The following PIP5K1C variants were observed in gnomAD, a reference collection of about 807,000 sequenced individuals.
PIP5K1C encodes the protein phosphatidylinositol 4-phosphate 5-kinase type-1 gamma.
Under a neutral mutation model 80.1 loss-of-function variants are expected in PIP5K1C, and 45 were observed. The observed-to-expected ratio is 0.56, with a 90% CI of 0.44 to 0.72. The LOEUF (loss-of-function observed/expected upper bound fraction) is 0.72, where lower values mean the gene tolerates loss of function less well. PIP5K1C is among the 30% of genes least tolerant of loss of function. PIP5K1C has a pLI of 0.00. For synonymous variants in PIP5K1C, 498 were observed against 420.1 expected, an observed-to-expected ratio of 1.19 and a Z score of -2.27; for missense variants, 753 against 954.6, an observed-to-expected ratio of 0.79 and a Z score of 2.78.
At chr19:3,677,917 A>G (rs2035423503) in intron 1 of PIP5K1C, among the ~76,000 whole-genome samples, 2 of 70,332 alleles carry the variant, frequency 2.8e-5, no homozygotes, top group Admixed American at 1.4e-4. Context: ...TGGAGGGATA[A>G]AGGGAGGGAT....
At chr19:3,668,981 G>A (rs1001520591) in intron 1 of PIP5K1C, among the ~76,000 whole-genome samples, 1 of 152,162 alleles carries the variant, frequency 6.6e-6, no homozygotes, top group South Asian at 2.1e-4. Context: ...GTTGGATTCC[G>A]ATGCTGGCAC....
At position 3,662,039 on chromosome 19, in the gene PIP5K1C, C is replaced by T. The variant is rs898504764; in HGVS notation, c.220-38G>A. On this transcript the variant is annotated intron_variant, in intron 3 of 17. Transcript: ENST00000335312. Reference sequence around the variant, plus strand: ...CAGAGTGTCAGGGCCCCCGGCTGCTCCCCACGCTGCCCTGCACCCCCTGTG... The same window carrying T: ...CAGAGTGTCAGGGCCCCCGGCTGCTTCCCACGCTGCCCTGCACCCCCTGTG... The T allele has an allele frequency of 2.6e-6, 4 of 1,549,048 alleles. No individual in the cohort carries two copies. In the African/African-American group the frequency reaches 5.4e-5, roughly 21 times the overall value.
At position 3,631,983 on chromosome 19, in the gene PIP5K1C, T is replaced by G. The variant is rs919194085; in HGVS notation, c.*1184A>C. Reference sequence around the variant, plus strand: ...CCTGGGGAAGGGCAGGGTGGGTGACTCTGCCGAGCTCTGGCCTCCAACCAG... The same window carrying G: ...CCTGGGGAAGGGCAGGGTGGGTGACGCTGCCGAGCTCTGGCCTCCAACCAG... On this transcript the variant is annotated 3_prime_UTR_variant, in exon 18 of 18. Transcript: ENST00000335312. 3 of 152,208 alleles carry G rather than the reference T, an allele frequency of 2.0e-5. No homozygotes were observed. The highest frequency in any genetic ancestry group is 2.9e-5 in the Non-Finnish European group (2 of 68,062). 9.4% of individuals were successfully genotyped at this position (152,208 alleles called of 1,614,324 possible).
Position 3,667,267 on chromosome 19 carries a change from G to C in PIP5K1C, c.126+55C>G. 4.7e-6 allele frequency: 7 copies of C among 1,504,010 alleles called. No individual in the cohort carries two copies. In the South Asian group the frequency reaches 8.0e-5, roughly 17 times the overall value. 93.2% of individuals were successfully genotyped at this position (1,504,010 alleles called of 1,614,324 possible). A position where few individuals can be genotyped will look rare whatever the true frequency, so the allele number is the denominator to read the frequency against. On this transcript the variant is annotated intron_variant, in intron 2 of 17. Transcript: ENST00000335312. ...GCCACACAGCTTCTCCGCGAGTAGG[G>C]AGGCAGCAGGTCAGGGTGGGGACCC...
intron 1 of PIP5K1C, among the ~76,000 whole-genome samples, chr19:3,682,840 C>A (rs373116026): frequency 6.9e-4 from 105 of 152,318 alleles, no homozygotes; most frequent in African/African-American, 2.5e-3. Flanking sequence ...CCAGCTACGC[C>A]GCTCCCAGAC....
rs1599924738 is a variant in PIP5K1C at position 3,638,732 on chromosome 19, G to C, written c.1920+152C>G. On this transcript the variant is annotated intron_variant, in intron 16 of 17. Transcript: ENST00000335312. ...GGGTGCGTGTGGGCGTGTCGTGAGA[G>C]TGCTGGCTGGTGAGAGAGCATGTGG... The C allele has an allele frequency of 2.3e-5, 23 of 998,392 alleles. No individual in the cohort carries two copies. The East Asian group carries it at 4.3e-4, about 19-fold the overall frequency. 61.8% of individuals were successfully genotyped at this position (998,392 alleles called of 1,614,324 possible). A position where few individuals can be genotyped will look rare whatever the true frequency, so the allele number is the denominator to read the frequency against.
intron 2 of PIP5K1C, among the ~76,000 whole-genome samples, chr19:3,665,382 T>G (rs1253993058): frequency 3.3e-5 from 5 of 152,044 alleles, no homozygotes; most frequent in African/African-American, 1.2e-4. Context: ...ACTCTGCAAA[T>G]GTACTAAAAG....
chr19:3,669,245 C>A (rs894370553), intron 1 of PIP5K1C, among the ~76,000 whole-genome samples: 1 of 152,150 alleles, frequency 6.6e-6, no homozygotes, highest in Non-Finnish European at 1.5e-5. Flanking sequence ...CAGGAGGGTG[C>A]GGCAGGTGCC....
At chr19:3,654,017 CTT>C (rs1255370919) in intron 6 of PIP5K1C, among the ~76,000 whole-genome samples, 1 of 152,206 alleles carries the variant, frequency 6.6e-6, no homozygotes, top group South Asian at 2.1e-4. Context: ...CATGTATTTT[CTT>C]GAGACAGGGT....
chr19:3,675,157 T>C (rs929368417), intron 1 of PIP5K1C, among the ~76,000 whole-genome samples: 4 of 152,276 alleles, frequency 2.6e-5, no homozygotes, highest in African/African-American at 7.2e-5. Flanking sequence ...TGTACTAGAA[T>C]TAGTGGCAGT....
chr19:3,700,306 C>G lies in PIP5K1C; in HGVS notation c.85G>C (p.Ala29Pro). ...SEAAWAAESG[A>P]AAGLAQKKAA... is the part of the protein sequence containing the mutation. ...GAGGCCGGGCCGTTACCTGCCGCCG[C>G]CCCGCTCTCTGCCGCCCACGCCGCC... The change falls in exon 1 of 18, where the codon GCG becomes CCG. Residue 29 changes from alanine to proline, a missense_variant. Coordinates refer to ENST00000335312, the MANE Select transcript of PIP5K1C (RefSeq NM_012398.3). 7.8e-7 allele frequency: 1 copy of G among 1,285,768 alleles called. No homozygotes were observed. The highest frequency in any genetic ancestry group is 1.0e-6 in the Non-Finnish European group (1 of 1,000,124). The allele number at this position is 1,285,768 out of a possible 1,614,324, so 79.6% of individuals were successfully genotyped here.
intron 16 of PIP5K1C, chr19:3,636,819 C>A (rs1215968808): frequency 3.0e-6 from 3 of 987,972 alleles, no homozygotes; most frequent in African/African-American, 1.7e-5. Context: ...GCGCCCCGTT[C>A]TGGCTGTGCG....
chr19:3,647,076 G>A (rs2034253257), intron 10 of PIP5K1C, among the ~76,000 whole-genome samples: 1 of 131,500 alleles, frequency 7.6e-6, no homozygotes, highest in African/African-American at 2.9e-5. Context: ...GGGATGGGAG[G>A]AGGGTGCAGG....
intron 1 of PIP5K1C, among the ~76,000 whole-genome samples, chr19:3,690,151 G>A (rs1046371600): frequency 2.3e-4 from 35 of 151,374 alleles, no homozygotes; most frequent in African/African-American, 7.8e-4. Context: ...TGTTCAAGAC[G>A]AGACATGGCT....
intron 10 of PIP5K1C, 45 bp from the exon 11 acceptor site, chr19:3,646,103 A>G (rs1398795895): frequency 8.1e-7 from 1 of 1,228,874 alleles, no homozygotes; most frequent in Admixed American, 1.7e-5. Flanking sequence ...AGGGTGCATC[A>G]ATCAACAGCT....
chr19:3,648,751 T>G lies in PIP5K1C; in HGVS notation c.1128-43A>C, dbSNP rs1029428936. Reference sequence around the variant, plus strand: ...GGGTACCATCAGCATCCCGCAGAGCTGGGACTCGGGGCAGGCGGGGCTGGG... The same window carrying G: ...GGGTACCATCAGCATCCCGCAGAGCGGGGACTCGGGGCAGGCGGGGCTGGG... On this transcript the variant is annotated intron_variant, in intron 8 of 17. Transcript: ENST00000335312. This position sits in a 1 kb window ranked among gnomAD's most constrained non-coding sequence, Gnocchi z 4.3. 3.8e-6 allele frequency: 6 copies of G among 1,560,930 alleles called. No homozygotes were observed. The African/African-American group carries it at 6.8e-5, about 18-fold the overall frequency.
rs1331737721 is a variant in PIP5K1C at position 3,648,505 on chromosome 19, C to T, written c.1211+120G>A. On this transcript the variant is annotated intron_variant, in intron 9 of 17. Coordinates refer to ENST00000335312, the MANE Select transcript of PIP5K1C (RefSeq NM_012398.3). The surrounding 1 kb of genome is among the most constrained non-coding windows in gnomAD (Gnocchi z 4.3). ...CCACCTGTGGGACTGCAGACCCAGG[C>T]GCCCACCTGTGGGGCTGCAGACCCG... The T allele has an allele frequency of 9.9e-5, 40 of 404,300 alleles. No individual in the cohort carries two copies. The highest frequency in any genetic ancestry group is 9.6e-4 in the Admixed American group (32 of 33,470). The allele number at this position is 404,300 out of a possible 1,614,324, so 25.0% of individuals were successfully genotyped here.
chr19:3,632,754 C>A lies in PIP5K1C; in HGVS notation c.*413G>T. The A allele has an allele frequency of 5.6e-6, 1 of 177,860 alleles. No individual in the cohort carries two copies. Among genetic ancestry groups the A allele is most frequent in the Non-Finnish European group, 1.2e-5 (1 of 85,428 alleles). The allele number at this position is 177,860 out of a possible 1,614,324, so 11.0% of individuals were successfully genotyped here. A position where few individuals can be genotyped will look rare whatever the true frequency, so the allele number is the denominator to read the frequency against. On this transcript the variant is annotated 3_prime_UTR_variant, in exon 18 of 18. Coordinates refer to ENST00000335312, the MANE Select transcript of PIP5K1C (RefSeq NM_012398.3). ...CCGGGGCTCAGGTCCCCAGAGGCCA[C>A]CGCGAACAGCCTGGCTTCTTCCTCA...
At chr19:3,678,790 GGAGGGATGGAGA>G (rs2035496407) in intron 1 of PIP5K1C, among the ~76,000 whole-genome samples, 1 of 134,880 alleles carries the variant, frequency 7.4e-6, no homozygotes, top group Admixed American at 7.3e-5. Flanking sequence ...AGGGATGGAG[GGAGGGATGGAGA>G]ATGGAGGGAT....
Sources: gnomAD v4.1 joint callset for allele counts (sites outside exome capture counted in the v4.1 genomes callset) on GRCh38, gnomAD v4.1.1 for gene constraint, Gnocchi (gnomAD v3.1) non-coding constraint, MANE v1.5 for transcripts, NCBI Gene and HGNC (gene_info 2026-07-23, HGNC 2026-07-21) for gene names.